The following TUSC7 variants were observed in gnomAD, a reference collection of about 807,000 sequenced individuals.
TUSC7 encodes the protein tumor suppressor candidate 7.
At chr3:116,712,018 A>G (rs151270229) in intron 1 of TUSC7, among the ~76,000 whole-genome samples, 10 of 152,332 alleles carry the variant, frequency 6.6e-5, no homozygotes, top group African/African-American at 2.2e-4. Context: ...TTAGCATGGT[A>G]CAAGAAATAT....
chr3:116,713,899 GA>G (rs2051483607), intron 1 of TUSC7: 1 of 152,268 alleles, frequency 6.6e-6, no homozygotes, highest in African/African-American at 2.4e-5. Flanking sequence ...CCGGGAGGCA[GA>G]GGTTGTAACG....
At chr3:116,714,208 C>T (rs1032803147) in intron 1 of TUSC7, 3 of 152,216 alleles carry the variant, frequency 2.0e-5, no homozygotes, top group Admixed American at 1.3e-4. Flanking sequence ...ATCTCCCCCA[C>T]ATCAAAAGAG....
At chr3:116,713,137 A>C (rs1196171437) in intron 1 of TUSC7, among the ~76,000 whole-genome samples, 1 of 152,146 alleles carries the variant, frequency 6.6e-6, no homozygotes, top group Non-Finnish European at 1.5e-5. Context: ...ATGGATAATG[A>C]ATTTAAGGCT....
intron 1 of TUSC7, chr3:116,714,292 T>C (rs778093763): frequency 1.3e-5 from 2 of 152,210 alleles, no homozygotes; most frequent in African/African-American, 2.4e-5. Flanking sequence ...GCACCAAATG[T>C]GTATTCTTAA....
intron 1 of TUSC7, among the ~76,000 whole-genome samples, chr3:116,714,462 T>C (rs573106379): frequency 3.0e-4 from 46 of 152,312 alleles, no homozygotes; most frequent in Non-Finnish European, 5.0e-4. Context: ...CAAACATTAA[T>C]GTGTATATAA....
At chr3:116,716,128 T>G (rs2107473095) in intron 1 of TUSC7, 1 of 152,352 alleles carries the variant, frequency 6.6e-6, no homozygotes, top group African/African-American at 2.4e-5. Context: ...TTATTTCTGA[T>G]GAAAGCACTG....
At chr3:116,711,286 C>G (rs116193670) in intron 1 of TUSC7, among the ~76,000 whole-genome samples, 1 of 152,098 alleles carries the variant, frequency 6.6e-6, no homozygotes, top group East Asian at 1.9e-4. Flanking sequence ...ATTGTAGTAA[C>G]TATTTCTCTC....
At chr3:116,711,390 T>C (rs1049426867) in intron 1 of TUSC7, among the ~76,000 whole-genome samples, 2 of 152,200 alleles carry the variant, frequency 1.3e-5, no homozygotes, top group African/African-American at 4.8e-5. Flanking sequence ...CTAGATTCTA[T>C]AATAGCAATA....
chr3:116,714,949 G>T (rs2107472622), intron 1 of TUSC7, among the ~76,000 whole-genome samples: 1 of 152,200 alleles, frequency 6.6e-6, no homozygotes, highest in Middle Eastern at 3.4e-3. Context: ...ATTGTACAGA[G>T]GATTTTCACT....
chr3:116,712,418 G>A (rs2051469553), intron 1 of TUSC7: 1 of 152,144 alleles, frequency 6.6e-6, no homozygotes, highest in Non-Finnish European at 1.5e-5. Context: ...GAGAAGTGAT[G>A]GACACGGCTC....
chr3:116,714,660 A>G (rs1333880008), intron 1 of TUSC7, among the ~76,000 whole-genome samples: 1 of 152,142 alleles, frequency 6.6e-6, no homozygotes, highest in Non-Finnish European at 1.5e-5. Context: ...ATGGCTACAC[A>G]CTAGCCACAT....
chr3:116,712,956 C>T (rs1342322274), intron 1 of TUSC7: 1 of 152,066 alleles, frequency 6.6e-6, no homozygotes, highest in Non-Finnish European at 1.5e-5. Context: ...ATTACACCAT[C>T]AAATTTTCAA....
At chr3:116,712,483 C>T (rs995788738) in intron 1 of TUSC7, 2 of 152,028 alleles carry the variant, frequency 1.3e-5, no homozygotes, top group African/African-American at 2.4e-5. Flanking sequence ...AAGATATCAA[C>T]AAATTGGATG....
rs146974185 is a variant in TUSC7 at position 116,709,934 on chromosome 3, G to C, written n.98+58G>C. ...AGAGGATAATGTGTCCTAAAATGTA[G>C]GTAGAGATAAGTCTGACAGTGGTTT... On this transcript the variant is annotated intron_variant and non_coding_transcript_variant, in intron 1 of 2. Transcript: ENST00000477805. 1.3e-3 allele frequency: 191 copies of C among 152,152 alleles called. 1 individual carries two copies. The highest frequency in any genetic ancestry group is 4.3e-3 in the African/African-American group (179 of 41,502). The allele number at this position is 152,152 out of a possible 1,614,324, so 9.4% of individuals were successfully genotyped here. A position where few individuals can be genotyped will look rare whatever the true frequency, so the allele number is the denominator to read the frequency against.
At chr3:116,709,809 A>C (rs1576300786) in exon 1 of TUSC7, 1 of 152,270 alleles carries the variant, frequency 6.6e-6, no homozygotes, top group East Asian at 1.9e-4. Flanking sequence ...GTCCACTCTG[A>C]GCTTTTCCTC....
At chr3:116,715,962 T>C (rs2051501712) in intron 1 of TUSC7, among the ~76,000 whole-genome samples, 1 of 152,228 alleles carries the variant, frequency 6.6e-6, no homozygotes, top group African/African-American at 2.4e-5. Context: ...TAAATGTGTT[T>C]CCAAGTTCAT....
At chr3:116,715,388 A>C (rs938791663) in intron 1 of TUSC7, among the ~76,000 whole-genome samples, 1 of 152,208 alleles carries the variant, frequency 6.6e-6, no homozygotes, top group Non-Finnish European at 1.5e-5. Flanking sequence ...TTAGTTTTGT[A>C]AGAAAATACC....
intron 1 of TUSC7, chr3:116,712,897 A>G (rs970758422): frequency 7.2e-5 from 11 of 152,186 alleles, no homozygotes; most frequent in Admixed American, 2.0e-4. Context: ...GTATGTAGAC[A>G]TATAATATTT....
chr3:116,710,145 A>G (rs973861317), intron 1 of TUSC7: 10 of 152,178 alleles, frequency 6.6e-5, no homozygotes, highest in African/African-American at 2.4e-4. Context: ...TAGTTTCCCA[A>G]GATTTCAGTG....
Sources: gnomAD v4.1 joint callset for allele counts (sites outside exome capture counted in the v4.1 genomes callset) on GRCh38, gnomAD v4.1.1 for gene constraint, MANE v1.5 for transcripts, NCBI Gene and HGNC (gene_info 2026-07-23, HGNC 2026-07-21) for gene names.